Variants in TATDN1 observed in about 807,000 individuals in gnomAD.
The protein encoded by TATDN1 is deoxyribonuclease TATDN1.
Under a neutral mutation model 46.4 loss-of-function variants are expected in TATDN1, and 40 were observed. The observed-to-expected ratio is 0.86, with a 90% CI of 0.67 to 1.12. The LOEUF (loss-of-function observed/expected upper bound fraction) is 1.12, where lower values mean the gene tolerates loss of function less well. Ranked by LOEUF, TATDN1 falls within the 50% of genes most tolerant of loss-of-function variation. The pLI is 0.00. For synonymous variants in TATDN1, 95 were observed against 105.6 expected, an observed-to-expected ratio of 0.90 and a Z score of 0.62; for missense variants, 326 against 348.4, an observed-to-expected ratio of 0.94 and a Z score of 0.51.
chr8:124,515,841 C>G (rs372923044), intron 5 of TATDN1, 46 bp downstream of exon 5: 1 of 1,613,426 alleles, frequency 6.2e-7, no homozygotes. Context: ...GAACAAATTA[C>G]TTATTTTCAA....
At chr8:124,524,212 G>A (rs895049479) in intron 1 of TATDN1, among the ~76,000 whole-genome samples, 6 of 152,196 alleles carry the variant, frequency 3.9e-5, no homozygotes, top group African/African-American at 1.4e-4. Flanking sequence ...TTAAGAGACA[G>A]TGAAGAGAGT....
intron 9 of TATDN1, among the ~76,000 whole-genome samples, chr8:124,502,983 C>T (rs1818106648): frequency 6.6e-6 from 1 of 152,104 alleles, no homozygotes; most frequent in South Asian, 2.1e-4. Flanking sequence ...GCTTGGGCTA[C>T]AGAGCAAGCA....
At chr8:124,529,733 T>C (rs1053584153) in intron 1 of TATDN1, among the ~76,000 whole-genome samples, 1 of 152,226 alleles carries the variant, frequency 6.6e-6, no homozygotes, top group Non-Finnish European at 1.5e-5. Context: ...TGTAGGGATA[T>C]ATTTTTAACT....
chr8:124,490,753 TG>T (rs1406407837), intron 11 of TATDN1, among the ~76,000 whole-genome samples: 2 of 127,154 alleles, frequency 1.6e-5, no homozygotes, highest in African/African-American at 2.9e-5. Context: ...CACAGGTTTT[TG>T]TTTTTTTTTT....
intron 1 of TATDN1, among the ~76,000 whole-genome samples, chr8:124,524,488 G>A (rs927698250): frequency 2.0e-5 from 3 of 152,150 alleles, no homozygotes; most frequent in Non-Finnish European, 2.9e-5. Flanking sequence ...CAGGGAAGAG[G>A]GGAGAGGCCT....
intron 3 of TATDN1, 167 bp downstream of exon 3, chr8:124,521,984 C>T: frequency 1.9e-6 from 1 of 534,758 alleles, no homozygotes; most frequent in Non-Finnish European, 3.3e-6. Context: ...TTGCTATGAA[C>T]AGAGTATTTT....
chr8:124,538,714 CAT>C (rs1288720108), intron 1 of TATDN1, among the ~76,000 whole-genome samples: 2 of 152,334 alleles, frequency 1.3e-5, no homozygotes, highest in Admixed American at 1.3e-4. Flanking sequence ...TGAATGGAAA[CAT>C]AGTGATTGGC....
chr8:124,538,091 C>A (rs1821638106), intron 1 of TATDN1, among the ~76,000 whole-genome samples: 1 of 152,186 alleles, frequency 6.6e-6, no homozygotes, highest in South Asian at 2.1e-4. Context: ...TCCAAATGGA[C>A]CTGGGTACCT....
chr8:124,491,096 T>A (rs1400729073), intron 11 of TATDN1: 1 of 152,178 alleles, frequency 6.6e-6, no homozygotes, highest in Admixed American at 6.5e-5. Context: ...GCAAAGGTTT[T>A]TAAAGTCTTG....
In TATDN1 at chr8:124,506,483, C is replaced by T. The variant is rs149605180; in HGVS notation, c.516+1991G>A. Among the ~76,000 whole-genome samples, 645 of 151,916 alleles carry T rather than the reference C, an allele frequency of 4.2e-3. 8 individuals are homozygous for T. Among genetic ancestry groups the T allele is most frequent in the African/African-American group, 0.015 (604 of 41,420 alleles). ...TAAAACCCCTCTCAATTCTTAAGTA[C>T]AGTTCCTACAGGATAAATTACAGAG... On this transcript the variant is annotated intron_variant, in intron 8 of 11. Transcript: ENST00000276692.
Position 124,488,567 on chromosome 8 carries a change from T to C in TATDN1, c.*27A>G, listed in dbSNP as rs1816603948. On this transcript the variant is annotated 3_prime_UTR_variant, in exon 12 of 12. Transcript: ENST00000276692. ...GTTTTACTATGAAATTTTACATACA[T>C]GATGGAAAGTGGAAGACATATACCA... 3 of 1,170,954 alleles carry C rather than the reference T, an allele frequency of 2.6e-6. No individual in the cohort carries two copies. Among genetic ancestry groups the C allele is most frequent in the Non-Finnish European group, 3.7e-6 (3 of 805,568 alleles). The allele number at this position is 1,170,954 out of a possible 1,614,324, so 72.5% of individuals were successfully genotyped here.
chr8:124,525,730 T>C (rs938804318), intron 1 of TATDN1, among the ~76,000 whole-genome samples: 2 of 152,224 alleles, frequency 1.3e-5, no homozygotes, highest in African/African-American at 4.8e-5. Context: ...CATACTGTCA[T>C]ACCACCTTAA....
rs765251013 is a variant in TATDN1, at chr8:124,539,085, G to A, written c.-39C>T. 12 of 1,611,280 alleles carry A rather than the reference G, an allele frequency of 7.4e-6. No individual in the cohort carries two copies. Among genetic ancestry groups the A allele is most frequent in the Non-Finnish European group, 8.5e-6 (10 of 1,177,706 alleles). On this transcript the variant is annotated 5_prime_UTR_variant, in exon 1 of 12. Coordinates refer to ENST00000276692, the MANE Select transcript of TATDN1 (RefSeq NM_032026.4). ...GGACCTCCCCAGCGGAAGCGGAAGTGGCCGCCGGCAACTCCGCCCTTCCGG... is the reference window on the plus strand; with the variant it reads ...GGACCTCCCCAGCGGAAGCGGAAGTAGCCGCCGGCAACTCCGCCCTTCCGG...
At chr8:124,514,249 A>G (rs911884325) in intron 6 of TATDN1, among the ~76,000 whole-genome samples, 5 of 152,334 alleles carry the variant, frequency 3.3e-5, no homozygotes, top group African/African-American at 1.2e-4. Flanking sequence ...ACATATCAGA[A>G]TCCCATTTGT....
chr8:124,528,395 G>C (rs7018204), intron 1 of TATDN1, among the ~76,000 whole-genome samples: 1 of 152,004 alleles, frequency 6.6e-6, no homozygotes, highest in Non-Finnish European at 1.5e-5. Context: ...GGATGGTCTC[G>C]ATCTCCTGAC....
intron 11 of TATDN1, 138 bp downstream of exon 11, chr8:124,493,695 C>T: frequency 1.1e-6 from 1 of 913,788 alleles, no homozygotes; most frequent in Non-Finnish European, 1.6e-6. Flanking sequence ...CTCCAAATCA[C>T]TGCATTAATA....
intron 6 of TATDN1, among the ~76,000 whole-genome samples, chr8:124,513,963 T>C (rs900632877): frequency 6.6e-6 from 1 of 152,220 alleles, no homozygotes; most frequent in Admixed American, 6.5e-5. Flanking sequence ...GACAGAGGTA[T>C]AGGGCTTCAG....
chr8:124,522,282 T>C, intron 2 of TATDN1, 82 bp from the exon 3 acceptor site: 1 of 802,900 alleles, frequency 1.2e-6, no homozygotes, highest in Non-Finnish European at 2.1e-6. Flanking sequence ...CAAATGGCTA[T>C]TTGAAGTTTT....
chr8:124,509,015 C>T (rs530514362), intron 6 of TATDN1, among the ~76,000 whole-genome samples: 2 of 152,324 alleles, frequency 1.3e-5, no homozygotes, highest in African/African-American at 4.8e-5. Context: ...CTTCATACTG[C>T]ATGCTAATCT....
Sources: gnomAD v4.1 joint callset for allele counts (sites outside exome capture counted in the v4.1 genomes callset) on GRCh38, gnomAD v4.1.1 for gene constraint, MANE v1.5 for transcripts, NCBI Gene and HGNC (gene_info 2026-07-23, HGNC 2026-07-21) for gene names.